Variants in SESTD1 observed in about 807,000 individuals in gnomAD.
SESTD1 encodes SEC14 domain and spectrin repeat-containing protein 1.
SESTD1 carries 43 observed loss-of-function variants against 101.7 expected under a neutral mutation model. That is an observed-to-expected ratio of 0.42 (90% confidence interval 0.33 to 0.55). SESTD1 has a LOEUF of 0.55. Ranked by LOEUF, SESTD1 falls within the 20% of genes least tolerant of loss-of-function variation. The probability of loss-of-function intolerance (pLI) is 0.07; values close to 1 mark genes in which losing one functional copy is unlikely to be tolerated. For missense variants in SESTD1, 647 were observed against 815.1 expected, an observed-to-expected ratio of 0.79 and a Z score of 2.51; for synonymous variants, 283 against 286.8, an observed-to-expected ratio of 0.99 and a Z score of 0.13.
At chr2:179,186,033 T>C (rs905773578) in intron 2 of SESTD1, among the ~76,000 whole-genome samples, 1 of 145,962 alleles carries the variant, frequency 6.9e-6, no homozygotes, top group African/African-American at 2.5e-5. Flanking sequence ...TTACATACAG[T>C]ATATAATATA....
chr2:179,104,885 A>C lies in SESTD1; in HGVS notation c.*5014T>G, dbSNP rs2044346399. On this transcript the variant is annotated 3_prime_UTR_variant, in exon 18 of 18. Coordinates refer to ENST00000428443, the MANE Select transcript of SESTD1 (RefSeq NM_178123.5). ...CTCTAAGTTCTTCATGTTCTAGTAC[A>C]GGTTCTGCTTTTTCTTGAAGTAGAG... 1 of 152,066 alleles carries C rather than the reference A, an allele frequency of 6.6e-6. No individual in the cohort carries two copies. The highest frequency in any genetic ancestry group is 2.4e-5 in the African/African-American group (1 of 41,412). The allele number at this position is 152,066 out of a possible 1,614,324, so 9.4% of individuals were successfully genotyped here.
intron 1 of SESTD1, among the ~76,000 whole-genome samples, chr2:179,247,130 T>C (rs11891072): frequency 0.085 from 12,871 of 152,156 alleles, 1,781 homozygotes; most frequent in African/African-American, 0.29. Context: ...GTATTAATTT[T>C]ACTGATTTTT....
rs1000500495 is a variant in SESTD1 at position 179,105,971 on chromosome 2, T to C, written c.*3928A>G. ...TAGCATGTATGAAAGTCAAATAATG[T>C]CAAATGGTAAGTTTCTACTTCATTT... On this transcript the variant is annotated 3_prime_UTR_variant, in exon 18 of 18. Transcript: ENST00000428443. 6.6e-6 allele frequency: 1 copy of C among 152,208 alleles called. No homozygotes were observed. Among genetic ancestry groups the C allele is most frequent in the African/African-American group, 2.4e-5 (1 of 41,462 alleles). 9.4% of individuals were successfully genotyped at this position (152,208 alleles called of 1,614,324 possible).
In SESTD1 at chr2:179,135,195, G is replaced by A. The variant is rs186853157; in HGVS notation, c.850-2769C>T. Among the ~76,000 whole-genome samples the A allele has an allele frequency of 8.6e-3, 1,305 of 151,994 alleles. 10 individuals carry two copies. Among genetic ancestry groups the A allele is most frequent in the African/African-American group, 0.029 (1,216 of 41,470 alleles). On this transcript the variant is annotated intron_variant, in intron 9 of 17. Coordinates refer to ENST00000428443, the MANE Select transcript of SESTD1 (RefSeq NM_178123.5). ...CCTGACCTCGTGATGCACCTGCCTC[G>A]GCCTCCCAAAGTGCTGGGATTACAG...
intron 4 of SESTD1, chr2:179,174,437 C>A (rs559729893): frequency 1.1e-5 from 5 of 469,144 alleles, no homozygotes; most frequent in African/African-American, 6.0e-5. Flanking sequence ...CCAGTTCAAA[C>A]AGCAAGTCCC....
rs2044381204 is a variant in SESTD1 at position 179,106,316 on chromosome 2, A to G, written c.*3583T>C. The G allele has an allele frequency of 6.6e-6, 1 of 152,172 alleles. No homozygotes were observed. The highest frequency in any genetic ancestry group is 1.5e-5 in the Non-Finnish European group (1 of 68,028). 9.4% of individuals were successfully genotyped at this position (152,172 alleles called of 1,614,324 possible). ...ATGTTTAGTTTTTAGTAGCAACAGT[A>G]TTTTACTACGGCCTTGTGTACTTTG... On this transcript the variant is annotated 3_prime_UTR_variant, in exon 18 of 18. Transcript: ENST00000428443.
intron 1 of SESTD1, among the ~76,000 whole-genome samples, chr2:179,253,873 G>C (rs1055879970): frequency 6.6e-6 from 1 of 151,934 alleles, no homozygotes; most frequent in African/African-American, 2.4e-5. Context: ...TGAAGCAAGC[G>C]GATCTGCTTG....
intron 17 of SESTD1, among the ~76,000 whole-genome samples, chr2:179,112,408 T>C (rs1288407392): frequency 6.6e-6 from 1 of 152,194 alleles, no homozygotes; most frequent in Non-Finnish European, 1.5e-5. Flanking sequence ...TTGTCCCCTC[T>C]TCCTTTTCCT....
At chr2:179,134,256 A>G (rs2045083436) in intron 9 of SESTD1, among the ~76,000 whole-genome samples, 1 of 152,220 alleles carries the variant, frequency 6.6e-6, no homozygotes, top group Non-Finnish European at 1.5e-5. Context: ...CAATTCTCAT[A>G]GATAACAAGT....
intron 4 of SESTD1, among the ~76,000 whole-genome samples, chr2:179,173,585 C>T (rs2045960654): frequency 6.6e-6 from 1 of 152,154 alleles, no homozygotes; most frequent in Non-Finnish European, 1.5e-5. Context: ...AACAAAGTCA[C>T]TTGTCTAAGA....
At chr2:179,221,588 C>A (rs1440413355) in intron 1 of SESTD1, among the ~76,000 whole-genome samples, 1 of 150,764 alleles carries the variant, frequency 6.6e-6, no homozygotes, top group Non-Finnish European at 1.5e-5. Flanking sequence ...CACTGCACTC[C>A]AGCCTGGGTG....
intron 9 of SESTD1, among the ~76,000 whole-genome samples, chr2:179,140,016 G>A (rs1198647992): frequency 2.0e-5 from 3 of 152,122 alleles, no homozygotes; most frequent in Non-Finnish European, 4.4e-5. Context: ...AGGAGCTCTC[G>A]CTCTTACATT....
At chr2:179,218,777 A>C (rs1181490319) in intron 1 of SESTD1, among the ~76,000 whole-genome samples, 3 of 152,130 alleles carry the variant, frequency 2.0e-5, no homozygotes, top group Admixed American at 6.5e-5. Context: ...TTAAGTTTGT[A>C]TTTTGTCTCC....
intron 9 of SESTD1, among the ~76,000 whole-genome samples, chr2:179,132,785 T>G (rs1045304076): frequency 1.3e-5 from 2 of 152,196 alleles, no homozygotes; most frequent in African/African-American, 4.8e-5. Flanking sequence ...AGAAATGATA[T>G]CAGTCAAAGT....
At chr2:179,257,746 G>C (rs1044152539) in intron 1 of SESTD1, among the ~76,000 whole-genome samples, 1 of 152,080 alleles carries the variant, frequency 6.6e-6, no homozygotes, top group Non-Finnish European at 1.5e-5. Context: ...GTATGGAGTG[G>C]GCCACAAATC....
intron 1 of SESTD1, among the ~76,000 whole-genome samples, chr2:179,239,758 A>G (rs2047122849): frequency 6.6e-6 from 1 of 152,230 alleles, no homozygotes; most frequent in African/African-American, 2.4e-5. Flanking sequence ...TTATTCTTAA[A>G]GAAATGCCAT....
At chr2:179,110,996 G>A (rs2044493428) in intron 17 of SESTD1, among the ~76,000 whole-genome samples, 1 of 152,170 alleles carries the variant, frequency 6.6e-6, no homozygotes, top group South Asian at 2.1e-4. Flanking sequence ...GTGAAACACA[G>A]ACGAGAAGCT....
At chr2:179,239,088 T>C (rs184387809) in intron 1 of SESTD1, among the ~76,000 whole-genome samples, 23 of 152,324 alleles carry the variant, frequency 1.5e-4, no homozygotes, top group African/African-American at 5.5e-4. Flanking sequence ...GTGCCAACTA[T>C]GTATCTTAGT....
At chr2:179,152,436 A>G (rs1449941602) in intron 5 of SESTD1, among the ~76,000 whole-genome samples, 6 of 152,248 alleles carry the variant, frequency 3.9e-5, no homozygotes, top group Non-Finnish European at 7.3e-5. Context: ...GAATCTCATA[A>G]AACTATATGC....
Sources: gnomAD v4.1 joint callset for allele counts (sites outside exome capture counted in the v4.1 genomes callset) on GRCh38, gnomAD v4.1.1 for gene constraint, MANE v1.5 for transcripts, NCBI Gene and HGNC (gene_info 2026-07-23, HGNC 2026-07-21) for gene names.